The following ZNF827 variants were observed in gnomAD, a reference collection of about 807,000 sequenced individuals.
ZNF827 encodes the protein zinc finger protein 827.
Under a neutral mutation model 102.4 loss-of-function variants are expected in ZNF827, and 13 were observed. The observed-to-expected ratio is 0.13, with a 90% CI of 0.08 to 0.20. The LOEUF (loss-of-function observed/expected upper bound fraction) is 0.20. Ranked by LOEUF, ZNF827 falls within the 10% of genes least tolerant of loss-of-function variation. ZNF827 has a pLI of 1.00. For synonymous variants in ZNF827, 523 were observed against 536.2 expected (o/e 0.98, Z 0.34); for missense variants, 1,103 against 1,344.4 (o/e 0.82, Z 2.81).
chr4:145,788,301 T>G (rs1443446950), intron 8 of ZNF827, among the ~76,000 whole-genome samples: 1 of 152,210 alleles, frequency 6.6e-6, no homozygotes, highest in Non-Finnish European at 1.5e-5. Flanking sequence ...CTTGATTCCT[T>G]GGGTAACAGA....
At chr4:145,900,555 G>A (rs1228403247) in intron 2 of ZNF827, among the ~76,000 whole-genome samples, 3 of 151,746 alleles carry the variant, frequency 2.0e-5, no homozygotes, top group Admixed American at 1.3e-4. Flanking sequence ...GATTACAGGC[G>A]CACACCACCA....
intron 5 of ZNF827, among the ~76,000 whole-genome samples, chr4:145,863,765 G>A (rs1276105846): frequency 1.3e-5 from 2 of 152,110 alleles, no homozygotes; most frequent in African/African-American, 4.8e-5. Flanking sequence ...CTGCTCATGG[G>A]CTCGACATTT....
chr4:145,762,488 A>G lies in ZNF827; in HGVS notation c.*17+602T>C, dbSNP rs911103380. 6.6e-6 allele frequency among the ~76,000 whole-genome samples: 1 copy of G among 152,222 alleles called. No individual in the cohort carries two copies. The highest frequency in any genetic ancestry group is 2.4e-5 in the African/African-American group (1 of 41,456). On this transcript the variant is annotated intron_variant, in intron 14 of 14. Transcript: ENST00000508784. The surrounding 1 kb of genome is among the most constrained non-coding windows in gnomAD (Gnocchi z 4.9). ...CTCTGCATTCTCTGCAGTGCTTGGT[A>G]GAGTACTTAACACACGGTAAGCACT...
chr4:145,937,755 G>C (rs1391660389), intron 1 of ZNF827, among the ~76,000 whole-genome samples: 1 of 132,630 alleles, frequency 7.5e-6, no homozygotes, highest in East Asian at 2.5e-4. Context: ...CGCCGCCGCC[G>C]CTGCCGCCGG....
chr4:145,833,507 T>C (rs1191017011), intron 7 of ZNF827, among the ~76,000 whole-genome samples: 1 of 152,076 alleles, frequency 6.6e-6, no homozygotes, highest in Non-Finnish European at 1.5e-5. Context: ...CCCCAACCCC[T>C]TCTCTCCGTG....
At chr4:145,917,106 T>C (rs1752717237) in intron 1 of ZNF827, among the ~76,000 whole-genome samples, 1 of 152,222 alleles carries the variant, frequency 6.6e-6, no homozygotes, top group South Asian at 2.1e-4. Context: ...ATGCTCTGTT[T>C]ATAACAACCT....
intron 1 of ZNF827, among the ~76,000 whole-genome samples, chr4:145,906,252 G>A (rs1289165864): frequency 6.6e-6 from 1 of 152,162 alleles, no homozygotes; most frequent in Non-Finnish European, 1.5e-5. Context: ...CTGAGCAGCT[G>A]CTCACCCGCT....
chr4:145,776,155 A>G (rs985946537), intron 9 of ZNF827, among the ~76,000 whole-genome samples, 195 bp from the exon 10 acceptor site: 3 of 152,160 alleles, frequency 2.0e-5, no homozygotes, highest in Non-Finnish European at 4.4e-5. Context: ...TAGTACTTCT[A>G]AATATAAAAG....
At chr4:145,867,999 C>T (rs974209501) in intron 5 of ZNF827, among the ~76,000 whole-genome samples, 1 of 152,198 alleles carries the variant, frequency 6.6e-6, no homozygotes, top group African/African-American at 2.4e-5. Context: ...GGAAAGAACA[C>T]ACAAAGTTTT....
chr4:145,807,524 G>A (rs188981174), intron 8 of ZNF827, among the ~76,000 whole-genome samples: 1 of 151,192 alleles, frequency 6.6e-6, no homozygotes, highest in Admixed American at 6.6e-5. Context: ...CCAGGCTGGA[G>A]TGCAGTGGCG....
Position 145,838,500 on chromosome 4 carries a change from T to G in ZNF827, c.2279+7456A>C, listed in dbSNP as rs542731481. 9.8e-5 allele frequency among the ~76,000 whole-genome samples: 15 copies of G among 152,320 alleles called. No individual in the cohort carries two copies. The East Asian group carries it at 2.9e-3, about 29-fold the overall frequency. On this transcript the variant is annotated intron_variant, in intron 7 of 14. Transcript: ENST00000508784. ...GGTGGTCTCTTCACAGGGACGCGCA[T>G]GAAAAGTCATTTTATCCCACCATTG...
At chr4:145,840,671 CT>C (rs1378674625) in intron 7 of ZNF827, among the ~76,000 whole-genome samples, 1 of 152,120 alleles carries the variant, frequency 6.6e-6, no homozygotes, top group Non-Finnish European at 1.5e-5. Context: ...TAATATTTTA[CT>C]TTTTAAGGTA....
intron 1 of ZNF827, among the ~76,000 whole-genome samples, chr4:145,923,210 CTT>C (rs1753197417): frequency 6.6e-6 from 1 of 152,098 alleles, no homozygotes; most frequent in African/African-American, 2.4e-5. Context: ...CTTTTTGAGT[CTT>C]GGTGTAATAT....
chr4:145,906,952 A>T lies in ZNF827; in HGVS notation c.44-3737T>A, dbSNP rs1213115072. ...CTTTTCTGAAGATGCTGCTACTGAA[A>T]TTGAGGTTATTCAAGAAATAAGTTA... On this transcript the variant is annotated intron_variant, in intron 1 of 14. Coordinates refer to ENST00000508784, the MANE Select transcript of ZNF827 (RefSeq NM_001306215.2). 1.9e-5 allele frequency: 8 copies of T among 423,042 alleles called. No homozygotes were observed. The East Asian group carries it at 5.6e-4, about 30-fold the overall frequency. 26.2% of individuals were successfully genotyped at this position (423,042 alleles called of 1,614,324 possible).
rs184964946 is a variant in ZNF827 at position 145,775,003 on chromosome 4, G to T, written c.2694-331C>A. On this transcript the variant is annotated intron_variant, in intron 10 of 14. Coordinates refer to ENST00000508784, the MANE Select transcript of ZNF827 (RefSeq NM_001306215.2). ...TTTCCTTTGGGCAAAGAGATGTGGGGTAGCATTGCCAAGGTATTTAGTGGT... is the reference window on the plus strand; with the variant it reads ...TTTCCTTTGGGCAAAGAGATGTGGGTTAGCATTGCCAAGGTATTTAGTGGT... Among the ~76,000 whole-genome samples, 242 of 152,294 alleles carry T rather than the reference G, an allele frequency of 1.6e-3. 1 individual carries two copies. The highest frequency in any genetic ancestry group is 5.7e-3 in the African/African-American group (235 of 41,568).
At chr4:145,878,570 G>C (rs1749357575) in intron 4 of ZNF827, among the ~76,000 whole-genome samples, 1 of 123,500 alleles carries the variant, frequency 8.1e-6, no homozygotes. Flanking sequence ...GACAGGACAG[G>C]ACAGGACAGG....
rs146327350 is a variant in ZNF827 at position 145,862,918 on chromosome 4, C to A, written c.1981+7327G>T. ...AAATGGACCTCATCAAAATTAAAAA[C>A]GTTCATGCTGCAAATAATATCATTA... On this transcript the variant is annotated intron_variant, in intron 5 of 14. Transcript: ENST00000508784. Among the ~76,000 whole-genome samples, 326 of 152,174 alleles carry A rather than the reference C, an allele frequency of 2.1e-3. 1 individual carries two copies. Among genetic ancestry groups the A allele is most frequent in the South Asian group, 0.018 (89 of 4,818 alleles).
At chr4:145,767,868 C>A (rs1735551013) in intron 11 of ZNF827, among the ~76,000 whole-genome samples, 1 of 151,554 alleles carries the variant, frequency 6.6e-6, no homozygotes. Flanking sequence ...AAAGCCCAGG[C>A]AGAAGAAAAT....
chr4:145,878,315 A>G (rs1206838221), intron 4 of ZNF827, among the ~76,000 whole-genome samples: 1 of 152,106 alleles, frequency 6.6e-6, no homozygotes, highest in African/African-American at 2.4e-5. Flanking sequence ...GAACAACATG[A>G]GTAAAGGTAG....
Sources: allele counts gnomAD v4.1 joint callset (sites outside exome capture counted in the v4.1 genomes callset), GRCh38; gene constraint gnomAD v4.1.1; non-coding constraint Gnocchi (gnomAD v3.1); transcripts MANE v1.5; gene names NCBI Gene and HGNC (gene_info 2026-07-23, HGNC 2026-07-21).